Variants in GARNL3 observed in about 807,000 individuals in gnomAD.
GARNL3 encodes GTPase-activating Rap/Ran-GAP domain-like protein 3.
A neutral mutation model predicts 125.0 loss-of-function variants in GARNL3; 63 were observed. The observed-to-expected ratio is 0.50, with a 90% CI of 0.41 to 0.62. The LOEUF is 0.62. Among genes scored for constraint, GARNL3 ranks in the 20% least tolerant of loss-of-function variants. GARNL3 has a pLI of 0.00. For missense variants in GARNL3, 994 were observed against 1,244.0 expected, an observed-to-expected ratio of 0.80 and a Z score of 3.02; for synonymous variants, 439 against 457.5, an observed-to-expected ratio of 0.96 and a Z score of 0.52.
At chr9:127,241,231 C>G (rs779731565) in intron 1 of GARNL3, among the ~76,000 whole-genome samples, 37 of 152,144 alleles carry the variant, frequency 2.4e-4, no homozygotes, top group Non-Finnish European at 2.6e-4. Context: ...ATCTTGAGAG[C>G]ACTGCTTAAT....
chr9:127,380,727 G>A (rs1832205803), intron 22 of GARNL3, among the ~76,000 whole-genome samples: 1 of 152,156 alleles, frequency 6.6e-6, no homozygotes. Flanking sequence ...TCCGGAAAAG[G>A]CAAGTCCACA....
chr9:127,354,681 G>C (rs555212441), intron 19 of GARNL3, among the ~76,000 whole-genome samples: 1 of 152,176 alleles, frequency 6.6e-6, no homozygotes, highest in African/African-American at 2.4e-5. Flanking sequence ...GAAATGTTTA[G>C]ACTGGTTCCC....
Position 127,340,665 on chromosome 9 carries a change from G to A in GARNL3, c.1135+914G>A, listed in dbSNP as rs185229227. On this transcript the variant is annotated intron_variant, in intron 13 of 27. Transcript: ENST00000373387. ...GAATGCCCCTCTCTTCACTCTGTCC[G>A]TCCTGGTCACCTGGCCTCAAGGAAG... 4.1e-4 allele frequency among the ~76,000 whole-genome samples: 61 copies of A among 150,168 alleles called. No homozygotes were observed. In the Middle Eastern group the frequency reaches 0.01, roughly 25 times the overall value.
At chr9:127,328,144 T>C (rs1176289550) in intron 7 of GARNL3, among the ~76,000 whole-genome samples, 1 of 152,196 alleles carries the variant, frequency 6.6e-6, no homozygotes, top group Non-Finnish European at 1.5e-5. Flanking sequence ...CATTGCATCC[T>C]CCTCTGCTTT....
chr9:127,377,703 C>G (rs1831996482), intron 22 of GARNL3, among the ~76,000 whole-genome samples: 1 of 150,028 alleles, frequency 6.7e-6, no homozygotes, highest in African/African-American at 2.5e-5. Context: ...AGGGGAATCG[C>G]TTGAACTCAG....
intron 2 of GARNL3, among the ~76,000 whole-genome samples, chr9:127,247,357 C>T (rs889424436): frequency 1.3e-5 from 2 of 152,240 alleles, no homozygotes; most frequent in African/African-American, 4.8e-5. Flanking sequence ...GTTCATGGAA[C>T]CCAAACTAAG....
intron 22 of GARNL3, among the ~76,000 whole-genome samples, chr9:127,381,929 A>T (rs1371572603): frequency 6.6e-6 from 1 of 151,850 alleles, no homozygotes; most frequent in East Asian, 1.9e-4. Flanking sequence ...GCTCAATATT[A>T]TGTCTGTGAG....
At chr9:127,248,775 T>C (rs2063349196) in intron 2 of GARNL3, among the ~76,000 whole-genome samples, 1 of 151,644 alleles carries the variant, frequency 6.6e-6, no homozygotes, top group Non-Finnish European at 1.5e-5. Flanking sequence ...GCCCAGTTAA[T>C]GTTTTTGTAT....
In GARNL3 at chr9:127,266,733, A is replaced by G. The variant is rs1479407893; in HGVS notation, c.144+1712A>G. On this transcript the variant is annotated intron_variant, in intron 1 of 27. Coordinates refer to ENST00000373387, the MANE Select transcript of GARNL3 (RefSeq NM_032293.5). The surrounding 1 kb of genome is among the most constrained non-coding windows in gnomAD (Gnocchi z 4.0). ...GTTTATGTTAACCAGCTGCAGTCAT[A>G]AAGACAAAATTCAGTAGCAAAAGTA... Among the ~76,000 whole-genome samples the G allele has an allele frequency of 6.6e-6, 1 of 152,238 alleles. No homozygotes were observed. The highest frequency in any genetic ancestry group is 1.5e-5 in the Non-Finnish European group (1 of 68,040).
intron 27 of GARNL3, among the ~76,000 whole-genome samples, chr9:127,391,180 G>A (rs1832810389): frequency 6.6e-6 from 1 of 151,900 alleles, no homozygotes; most frequent in African/African-American, 2.4e-5. Flanking sequence ...AGCTACTTGG[G>A]AGGTTGAGGC....
intron 12 of GARNL3, among the ~76,000 whole-genome samples, chr9:127,339,272 G>A (rs151308005): frequency 1.8e-3 from 267 of 151,556 alleles, no homozygotes; most frequent in African/African-American, 5.9e-3. Context: ...ACTCTAGCCC[G>A]GGTGACAGAG....
intron 2 of GARNL3, among the ~76,000 whole-genome samples, chr9:127,296,570 G>A (rs1234965729): frequency 6.9e-6 from 1 of 145,402 alleles, no homozygotes; most frequent in African/African-American, 2.6e-5. Flanking sequence ...CTCCTGGGTT[G>A]AAACAATTCT....
At chr9:127,288,228 C>T (rs1178948673) in intron 1 of GARNL3, among the ~76,000 whole-genome samples, 3 of 152,124 alleles carry the variant, frequency 2.0e-5, no homozygotes, top group Non-Finnish European at 4.4e-5. Context: ...GGCAGTGGGT[C>T]AGGGAAGGTA....
intron 11 of GARNL3, among the ~76,000 whole-genome samples, chr9:127,336,635 C>T (rs1829568110): frequency 6.6e-6 from 1 of 152,160 alleles, no homozygotes. Context: ...TTGATTTAAG[C>T]CCTGGTAATC....
intron 1 of GARNL3, among the ~76,000 whole-genome samples, chr9:127,237,270 C>T (rs1172680282): frequency 6.6e-6 from 1 of 152,226 alleles, no homozygotes; most frequent in Non-Finnish European, 1.5e-5. Context: ...CCAGAGCCAC[C>T]ACTGCTACTT....
intron 2 of GARNL3, among the ~76,000 whole-genome samples, chr9:127,303,798 T>C (rs144125292): frequency 6.6e-6 from 1 of 152,318 alleles, no homozygotes; most frequent in African/African-American, 2.4e-5. Flanking sequence ...CATATATGGA[T>C]TTTGATTACA....
chr9:127,275,543 G>A (rs1215213241), intron 1 of GARNL3, among the ~76,000 whole-genome samples: 1 of 152,166 alleles, frequency 6.6e-6, no homozygotes, highest in Non-Finnish European at 1.5e-5. Flanking sequence ...TTTTCGTAGG[G>A]CACATATCCA....
chr9:127,295,595 G>A (rs2064564590), intron 2 of GARNL3, among the ~76,000 whole-genome samples: 1 of 152,158 alleles, frequency 6.6e-6, no homozygotes, highest in Non-Finnish European at 1.5e-5. Flanking sequence ...CCAGTCACAA[G>A]CATTGGGTCC....
chr9:127,278,793 C>A (rs772547983), intron 1 of GARNL3, among the ~76,000 whole-genome samples: 7 of 152,144 alleles, frequency 4.6e-5, no homozygotes, highest in Non-Finnish European at 7.4e-5. Flanking sequence ...GGGGAAGAAT[C>A]CTTCCTTGCC....
Sources: gnomAD v4.1 joint callset for allele counts (sites outside exome capture counted in the v4.1 genomes callset) on GRCh38, gnomAD v4.1.1 for gene constraint, Gnocchi (gnomAD v3.1) non-coding constraint, MANE v1.5 for transcripts, NCBI Gene and HGNC (gene_info 2026-07-23, HGNC 2026-07-21) for gene names.